The following HMGA1 variants were observed in gnomAD, a reference collection of about 807,000 sequenced individuals.
HMGA1 encodes the protein high mobility group protein HMG-I/HMG-Y.
A neutral mutation model predicts 15.1 loss-of-function variants in HMGA1; 1 was observed. That is an observed-to-expected ratio of 0.07 (90% CI 0.02 to 0.31). HMGA1 has a LOEUF of 0.31. HMGA1 is among the 10% of genes least tolerant of loss of function. The pLI is 1.00. For missense variants in HMGA1, 94 were observed against 141.4 expected, an observed-to-expected ratio of 0.66 and a Z score of 1.70; for synonymous variants, 56 against 54.8, an observed-to-expected ratio of 1.02 and a Z score of -0.10.
At position 34,245,926 on chromosome 6, in the gene HMGA1, G is replaced by A; in HGVS notation, c.*1042G>A. 1 of 311,394 alleles carries A rather than the reference G, an allele frequency of 3.2e-6. No individual in the cohort carries two copies. The highest frequency in any genetic ancestry group is 4.2e-5 in the South Asian group (1 of 23,706). 19.3% of individuals were successfully genotyped at this position (311,394 alleles called of 1,614,324 possible). ...ATTGCTGCTGCTACCAGCGCCAAAT[G>A]TTCATCCTCATTGCCTCCTGTTCTG... On this transcript the variant is annotated 3_prime_UTR_variant, in exon 6 of 6. Coordinates refer to ENST00000311487, the MANE Select transcript of HMGA1 (RefSeq NM_145899.3).
Position 34,245,589 on chromosome 6 carries a change from C to T in HMGA1, c.*705C>T, listed in dbSNP as rs538419054. ...TGGCCACAGCCCCCTTGCCCTCCGCCTGGGATCTGAGTACATATTGTGGTG... is the reference window on the plus strand; with the variant it reads ...TGGCCACAGCCCCCTTGCCCTCCGCTTGGGATCTGAGTACATATTGTGGTG... On this transcript the variant is annotated 3_prime_UTR_variant, in exon 6 of 6. Coordinates refer to ENST00000311487, the MANE Select transcript of HMGA1 (RefSeq NM_145899.3). The T allele has an allele frequency of 2.2e-6, 3 of 1,381,704 alleles. No individual in the cohort carries two copies. Among genetic ancestry groups the T allele is most frequent in the Admixed American group, 4.4e-5 (2 of 45,780 alleles). The allele number at this position is 1,381,704 out of a possible 1,614,324, so 85.6% of individuals were successfully genotyped here. A position where few individuals can be genotyped will look rare whatever the true frequency, so the allele number is the denominator to read the frequency against.
At chr6:34,239,393 G>GTCA (rs1478830871) in intron 2 of HMGA1, among the ~76,000 whole-genome samples, 1 of 152,060 alleles carries the variant, frequency 6.6e-6, no homozygotes, top group Admixed American at 6.5e-5. Flanking sequence ...ACAGGCATGA[G>GTCA]TCACCTCACC....
chr6:34,242,889 G>A (rs1018658144), intron 4 of HMGA1, 94 bp downstream of exon 4: 9 of 909,228 alleles, frequency 9.9e-6, no homozygotes, highest in Non-Finnish European at 1.6e-5. Context: ...GTCTGGGAAG[G>A]GGCTCAGTCA....
At chr6:34,242,212 G>T (rs1184260350) in intron 3 of HMGA1, among the ~76,000 whole-genome samples, 2 of 152,190 alleles carry the variant, frequency 1.3e-5, no homozygotes, top group Non-Finnish European at 2.9e-5. Context: ...TGGGCTCCAG[G>T]TTTGCAAGTG....
intron 5 of HMGA1, among the ~76,000 whole-genome samples, 156 bp downstream of exon 5, chr6:34,243,674 C>T (rs1561875918): frequency 6.6e-6 from 1 of 152,090 alleles, no homozygotes; most frequent in South Asian, 2.1e-4. Context: ...GGGAAGGTAC[C>T]TGGCCTGGGC....
Position 34,245,608 on chromosome 6 carries a change from T to C in HMGA1, c.*724T>C, listed in dbSNP as rs1271161001. 2 of 1,380,796 alleles carry C rather than the reference T, an allele frequency of 1.4e-6. No individual in the cohort carries two copies. The highest frequency in any genetic ancestry group is 2.9e-5 in the African/African-American group (2 of 69,540). 85.5% of individuals were successfully genotyped at this position (1,380,796 alleles called of 1,614,324 possible). ...CTCCGCCTGGGATCTGAGTACATAT[T>C]GTGGTGATGGAGATGCAGTCACTTA... On this transcript the variant is annotated 3_prime_UTR_variant, in exon 6 of 6. Transcript: ENST00000311487.
rs1762660442 is a variant in HMGA1, at chr6:34,245,358, C to T, written c.*474C>T. Reference sequence around the variant, plus strand: ...CCAAGCCCCATCTCATCCTGGCACGCCCTACTCCACTGCCCTGGCAGCAGC... The same window carrying T: ...CCAAGCCCCATCTCATCCTGGCACGTCCTACTCCACTGCCCTGGCAGCAGC... On this transcript the variant is annotated 3_prime_UTR_variant, in exon 6 of 6. Transcript: ENST00000311487. 3 of 1,359,186 alleles carry T rather than the reference C, an allele frequency of 2.2e-6. No homozygotes were observed. Among genetic ancestry groups the T allele is most frequent in the Non-Finnish European group, 2.9e-6 (3 of 1,032,780 alleles). 84.2% of individuals were successfully genotyped at this position (1,359,186 alleles called of 1,614,324 possible). A position where few individuals can be genotyped will look rare whatever the true frequency, so the allele number is the denominator to read the frequency against.
intron 2 of HMGA1, among the ~76,000 whole-genome samples, chr6:34,238,332 G>A (rs1349527662): frequency 6.6e-6 from 1 of 152,210 alleles, no homozygotes; most frequent in Non-Finnish European, 1.5e-5. Flanking sequence ...AGTCACCCTC[G>A]GGCCGGGTCT....
chr6:34,238,521 C>T (rs1762021780), intron 2 of HMGA1, among the ~76,000 whole-genome samples: 1 of 152,262 alleles, frequency 6.6e-6, no homozygotes, highest in South Asian at 2.1e-4. Context: ...ACAAGGGAAC[C>T]CCCAAGATAA....
At chr6:34,242,293 A>G (rs1762374250) in intron 3 of HMGA1, among the ~76,000 whole-genome samples, 1 of 152,078 alleles carries the variant, frequency 6.6e-6, no homozygotes, top group African/African-American at 2.4e-5. Flanking sequence ...AGTGCTAGAT[A>G]ACCATACATT....
At chr6:34,240,646 T>G (rs1264996124) in intron 2 of HMGA1, 91 bp from the exon 3 acceptor site, 15 of 1,053,398 alleles carry the variant, frequency 1.4e-5, no homozygotes, top group Non-Finnish European at 1.9e-5. Context: ...GAGCACAGTT[T>G]TCTGCAGTGT....
Position 34,244,922 on chromosome 6 carries a change from T to A in HMGA1, c.*38T>A. The A allele has an allele frequency of 6.5e-7, 1 of 1,549,520 alleles. No individual in the cohort carries two copies. The highest frequency in any genetic ancestry group is 2.0e-5 in the Admixed American group (1 of 51,054). On this transcript the variant is annotated 3_prime_UTR_variant, in exon 6 of 6. Coordinates refer to ENST00000311487, the MANE Select transcript of HMGA1 (RefSeq NM_145899.3). ...GCCTGCTCCTCACTGGAGGAGCAGC[T>A]TCCTTCTGGGACTGGACAGCTTTGC...
chr6:34,243,478 C>A lies in HMGA1; in HGVS notation c.230C>A (p.Thr77Lys). The change falls in exon 5 of 6, where the codon ACA becomes AAA. Residue 77 changes from threonine (T) to lysine (K), a missense_variant. Coordinates refer to ENST00000311487, the MANE Select transcript of HMGA1 (RefSeq NM_145899.3). ...KGAAKTRKTT[T>K]TPGRKPRGRP... ...TCTCTAACCCTCTAGAAAACCACCACAACTCCAGGAAGGAAACCAAGGGGC... is the reference window on the plus strand; with the variant it reads ...TCTCTAACCCTCTAGAAAACCACCAAAACTCCAGGAAGGAAACCAAGGGGC... 1 of 1,613,472 alleles carries A rather than the reference C, an allele frequency of 6.2e-7. No individual in the cohort carries two copies. Among genetic ancestry groups the A allele is most frequent in the Non-Finnish European group, 8.5e-7 (1 of 1,179,510 alleles).
chr6:34,237,534 C>T (rs2127536634), intron 2 of HMGA1, among the ~76,000 whole-genome samples: 1 of 144,514 alleles, frequency 6.9e-6, no homozygotes, highest in Non-Finnish European at 1.5e-5. Flanking sequence ...CGCACCCCTT[C>T]CCCCGCGCCG....
chr6:34,242,599 T>G, intron 3 of HMGA1, 113 bp from the exon 4 acceptor site: 1 of 759,690 alleles, frequency 1.3e-6, no homozygotes, highest in Non-Finnish European at 2.3e-6. Flanking sequence ...AGGGATGGTT[T>G]GTGGTTCTTG....
chr6:34,237,628 A>ACCCGGCGGAG (rs898177733), intron 2 of HMGA1, among the ~76,000 whole-genome samples: 10 of 146,464 alleles, frequency 6.8e-5, no homozygotes, highest in Non-Finnish European at 1.5e-4. Context: ...CGAGTTGTGC[A>ACCCGGCGGAG]CCCGGCGGAG....
In HMGA1 at chr6:34,246,118, ACCT is replaced by A. The variant is rs1762728516; in HGVS notation, c.*1240_*1242del. On this transcript the variant is annotated 3_prime_UTR_variant, in exon 6 of 6. Coordinates refer to ENST00000311487, the MANE Select transcript of HMGA1 (RefSeq NM_145899.3). ...ATCGACCATAAAGGGTGTAGGGGCC[ACCT>A]CCTCCCCCTGTTCTGTTGGGGAGGG... 1 of 239,674 alleles carries A rather than the reference ACCT, an allele frequency of 4.2e-6. No individual in the cohort carries two copies. Among genetic ancestry groups the A allele is most frequent in the Admixed American group, 5.2e-5 (1 of 19,274 alleles). 14.8% of individuals were successfully genotyped at this position (239,674 alleles called of 1,614,324 possible).
At chr6:34,244,030 G>T (rs979795428) in intron 5 of HMGA1, among the ~76,000 whole-genome samples, 27 of 152,036 alleles carry the variant, frequency 1.8e-4, no homozygotes, top group African/African-American at 6.5e-4. Flanking sequence ...GGAAAGGCTC[G>T]GTGGGCTGAG....
chr6:34,243,110 A>C (rs747978433), intron 4 of HMGA1, among the ~76,000 whole-genome samples: 1 of 152,116 alleles, frequency 6.6e-6, no homozygotes, highest in Non-Finnish European at 1.5e-5. Flanking sequence ...TGGGCTGAGA[A>C]TGTTACCTTC....
Sources: allele counts gnomAD v4.1 joint callset (sites outside exome capture counted in the v4.1 genomes callset), GRCh38; gene constraint gnomAD v4.1.1; transcripts MANE v1.5; gene names NCBI Gene and HGNC (gene_info 2026-07-23, HGNC 2026-07-21).